DENND2B: variants seen among roughly 807,000 people sequenced by gnomAD.
The protein encoded by DENND2B is DENN domain-containing protein 2B.
Under a neutral mutation model 116.0 loss-of-function variants are expected in DENND2B, and 32 were observed. The observed-to-expected ratio is 0.28, with a 90% CI of 0.21 to 0.37. The LOEUF (loss-of-function observed/expected upper bound fraction) is 0.37, where lower values mean the gene tolerates loss of function less well. DENND2B is among the 10% of genes least tolerant of loss of function. The pLI, the probability that DENND2B is intolerant of heterozygous loss-of-function variation, is 1.00. For synonymous variants in DENND2B, 588 were observed against 583.9 expected, an observed-to-expected ratio of 1.01 and a Z score of -0.10; for missense variants, 1,276 against 1,477.7, an observed-to-expected ratio of 0.86 and a Z score of 2.24.
At chr11:8,883,161 A>G (rs2063920908) in intron 1 of DENND2B, among the ~76,000 whole-genome samples, 1 of 152,254 alleles carries the variant, frequency 6.6e-6, no homozygotes, top group African/African-American at 2.4e-5. Flanking sequence ...CTTAGAATAC[A>G]GAACACATTT....
At chr11:8,886,828 T>C (rs1212638875) in intron 1 of DENND2B, among the ~76,000 whole-genome samples, 1 of 151,934 alleles carries the variant, frequency 6.6e-6, no homozygotes, top group Non-Finnish European at 1.5e-5. Context: ...AGATTTATCT[T>C]TTTTTTTGGC....
At chr11:8,717,153 G>C (rs539247982) in intron 5 of DENND2B, among the ~76,000 whole-genome samples, 2 of 152,318 alleles carry the variant, frequency 1.3e-5, no homozygotes, top group South Asian at 2.1e-4. Context: ...TGAAGTCCAA[G>C]AGCTTCCTTT....
chr11:8,705,131 C>T (rs1175175651), intron 13 of DENND2B, among the ~76,000 whole-genome samples: 1 of 152,198 alleles, frequency 6.6e-6, no homozygotes, highest in Admixed American at 6.5e-5. Context: ...TCTCAGTACT[C>T]TCTGCTAGCC....
At chr11:8,811,314 G>A (rs893543883), upstream of DENND2B, 12 of 398,438 alleles carry the variant, frequency 3.0e-5, no homozygotes, top group Admixed American at 4.4e-5. Context: ...TAGTGGTGGC[G>A]CCTAAGCAGT....
chr11:8,854,651 G>A (rs1277363256), intron 3 of DENND2B, among the ~76,000 whole-genome samples: 1 of 152,218 alleles, frequency 6.6e-6, no homozygotes, highest in African/African-American at 2.4e-5. Context: ...CAAGGTGGGA[G>A]GATCACTTGA....
At chr11:8,881,004 C>T (rs1290848883) in intron 2 of DENND2B, 2 of 152,148 alleles carry the variant, frequency 1.3e-5, no homozygotes, top group Admixed American at 1.3e-4. Context: ...GAAGAACGAC[C>T]CTTACCCATG....
chr11:8,771,103 G>C lies in DENND2B; in HGVS notation c.-25-20378C>G, dbSNP rs185952692. ...CTACCCTTTACTAAGCCCCATACTA[G>C]AGGCTTTTCCTCGAAAACATATCAA... On this transcript the variant is annotated intron_variant, in intron 1 of 19. Transcript: ENST00000313726. Among the ~76,000 whole-genome samples, 323 of 152,246 alleles carry C rather than the reference G, an allele frequency of 2.1e-3. 1 individual carries two copies. The highest frequency in any genetic ancestry group is 4.6e-3 in the Admixed American group (70 of 15,298).
chr11:8,823,149 T>C (rs1327431720), intron 4 of DENND2B, among the ~76,000 whole-genome samples: 2 of 152,076 alleles, frequency 1.3e-5, no homozygotes, highest in African/African-American at 4.8e-5. Context: ...TATATTTGTA[T>C]ATAATATATA....
At chr11:8,880,071 A>G (rs145735102) in intron 2 of DENND2B, among the ~76,000 whole-genome samples, 3 of 152,168 alleles carry the variant, frequency 2.0e-5, no homozygotes, top group South Asian at 2.1e-4. Context: ...GCCTACCCCA[A>G]CATTTCCATT....
chr11:8,713,616 G>C (rs370460817), intron 8 of DENND2B, among the ~76,000 whole-genome samples: 1 of 152,076 alleles, frequency 6.6e-6, no homozygotes, highest in Admixed American at 6.5e-5. Flanking sequence ...TCCTGACCTC[G>C]TGATCTGCCC....
intron 2 of DENND2B, among the ~76,000 whole-genome samples, chr11:8,748,288 A>T (rs899834302): frequency 1.3e-5 from 2 of 152,116 alleles, no homozygotes; most frequent in African/African-American, 4.8e-5. Context: ...AAACTAAGAA[A>T]CTCAGGTGCC....
At chr11:8,867,051 T>C (rs905111715) in intron 2 of DENND2B, among the ~76,000 whole-genome samples, 3 of 152,312 alleles carry the variant, frequency 2.0e-5, no homozygotes, top group African/African-American at 7.2e-5. Flanking sequence ...AAACATCACT[T>C]TTCTGCCTGT....
chr11:8,694,505 T>C (rs1045167250), intron 19 of DENND2B: 59 of 466,592 alleles, frequency 1.3e-4, no homozygotes, highest in African/African-American at 1.1e-3. Context: ...CTGGCTCTAA[T>C]GGCCTTCATA....
At chr11:8,907,474 T>C (rs1320090733) in intron 1 of DENND2B, among the ~76,000 whole-genome samples, 1 of 152,196 alleles carries the variant, frequency 6.6e-6, no homozygotes, top group Non-Finnish European at 1.5e-5. Context: ...TTTAAAATTA[T>C]AAATATGCAC....
In DENND2B at chr11:8,717,824, G is replaced by T; in HGVS notation, c.1546C>A (p.Gln516Lys). ...TCCAAGGAGTTCTCAGACAGTTGCT[G>T]GGATTTTCGTCCTGCTCTTCGGCTC... is the stretch of plus-strand genomic sequence containing the variant. ...LKSRRAGRKSQQLSENSLDSL... is the reference protein window; with the variant it reads ...LKSRRAGRKSKQLSENSLDSL... Residue 516 changes from glutamine (Q) to lysine (K), a missense_variant, in exon 5 of 20, where the codon CAG becomes AAG. Around this residue, in one of 2 missense-constraint regions of DENND2B, gnomAD observed 856 missense variants for 846.6 expected, o/e 1.01. Coordinates refer to ENST00000313726, the MANE Select transcript of DENND2B (RefSeq NM_213618.2). The T allele has an allele frequency of 6.2e-7, 1 of 1,613,420 alleles. No homozygotes were observed. Among genetic ancestry groups the T allele is most frequent in the Non-Finnish European group, 8.5e-7 (1 of 1,179,530 alleles).
intron 1 of DENND2B, among the ~76,000 whole-genome samples, chr11:8,803,728 C>T (rs1565984306): frequency 6.6e-6 from 1 of 152,156 alleles, no homozygotes; most frequent in Admixed American, 6.5e-5. Flanking sequence ...TATTATCACT[C>T]CCAACTTACA....
At position 8,730,083 on chromosome 11, in the gene DENND2B, T is replaced by C; in HGVS notation, c.1207A>G (p.Lys403Glu). 2 of 1,614,162 alleles carry C rather than the reference T, an allele frequency of 1.2e-6. No homozygotes were observed. The highest frequency in any genetic ancestry group is 8.5e-7 in the Non-Finnish European group (1 of 1,180,022). Residue 403 changes from lysine (K) to glutamate (E), a missense_variant, in exon 3 of 20, where the codon AAG (lysine) becomes GAG (glutamate). By Grantham distance (56) the Lys-to-Glu change is moderately conservative. Around this residue, in one of 2 missense-constraint regions of DENND2B, gnomAD observed 856 missense variants for 846.6 expected, o/e 1.01. Coordinates refer to ENST00000313726, the MANE Select transcript of DENND2B (RefSeq NM_213618.2). This position sits in a 1 kb window ranked among gnomAD's most constrained non-coding sequence, Gnocchi z 4.1. ...GGTAGACCATTACTGGGCTTACTCT[T>C]GGGGTTCTTGTCAGCCTCGTATTCA... Reference protein sequence around the residue: ...TFEYEADKNPKSKPSNGLPPS... With the variant: ...TFEYEADKNPESKPSNGLPPS...
rs371806921 is a variant in DENND2B, at chr11:8,715,617, G to A, written c.1831C>T (p.Arg611Cys). The stretch of plus-strand genomic sequence containing the variant: ...GGGGAGGGTACCTTGGGAATGCGGC[G>A]GGCCCGGCGGCTGGACAGCAGCTCG... ...TSELLSSRRARRIPKLVQRIN... is the reference protein window; with the variant it reads ...TSELLSSRRACRIPKLVQRIN... The change falls in exon 6 of 20, where the codon CGC becomes TGC. Residue 611 changes from arginine (R) to cysteine (C), a missense_variant. Coordinates refer to ENST00000313726, the MANE Select transcript of DENND2B (RefSeq NM_213618.2). The A allele has an allele frequency of 4.2e-4, 680 of 1,612,208 alleles. 6 individuals are homozygous for A. In the South Asian group the frequency reaches 7.0e-3, roughly 17 times the overall value.
rs2044641181 is a variant in DENND2B at position 8,715,770 on chromosome 11, C to G, written c.1678G>C (p.Glu560Gln). The change falls in exon 6 of 20, where the codon GAA becomes CAA. Residue 560 changes from glutamate (E) to glutamine (Q), a missense_variant. Glu to Gln is a conservative substitution (Grantham distance 29). This residue lies in a region of DENND2B where 856 missense variants were observed against 846.6 expected (regional missense o/e 1.01). Coordinates refer to ENST00000313726, the MANE Select transcript of DENND2B (RefSeq NM_213618.2). ...SQSLRSGNWS[E>Q]RKSHRLPRLP... ...CGTGGCAGCCGGTGGCTCTTCCTTTCTGACCAGTTCCCACTGCGCAGGGAC... is the reference window on the plus strand; with the variant it reads ...CGTGGCAGCCGGTGGCTCTTCCTTTGTGACCAGTTCCCACTGCGCAGGGAC... 6.2e-7 allele frequency: 1 copy of G among 1,613,270 alleles called. No individual in the cohort carries two copies. Among genetic ancestry groups the G allele is most frequent in the Non-Finnish European group, 8.5e-7 (1 of 1,179,312 alleles).
Sources: gnomAD v4.1 joint callset for allele counts (sites outside exome capture counted in the v4.1 genomes callset) on GRCh38, gnomAD v4.1.1 for gene constraint, gnomAD v4.1.1 regional missense constraint, Gnocchi (gnomAD v3.1) non-coding constraint, MANE v1.5 for transcripts, NCBI Gene and HGNC (gene_info 2026-07-23, HGNC 2026-07-21) for gene names.